SFSWAP: variants seen among roughly 807,000 people sequenced by gnomAD.
SFSWAP encodes the protein splicing factor SWAP.
Under a neutral mutation model 100.7 loss-of-function variants are expected in SFSWAP, and 17 were observed. The observed-to-expected ratio is 0.17, with a 90% CI of 0.12 to 0.25. The LOEUF is 0.25. SFSWAP is among the 10% of genes least tolerant of loss of function. The pLI, the probability that SFSWAP is intolerant of heterozygous loss-of-function variation, is 1.00. For synonymous variants in SFSWAP, 504 were observed against 510.1 expected (o/e 0.99, Z 0.16); for missense variants, 1,005 against 1,262.6 (o/e 0.80, Z 3.09).
intron 15 of SFSWAP, among the ~76,000 whole-genome samples, chr12:131,790,073 T>C (rs1443817701): frequency 6.6e-6 from 1 of 152,154 alleles, no homozygotes; most frequent in Non-Finnish European, 1.5e-5. Flanking sequence ...ATAGTGACTT[T>C]CCCCCTCTCT....
rs182735882 is a variant in SFSWAP, at chr12:131,730,318, G to T, written c.1081+1890G>T. Among the ~76,000 whole-genome samples the T allele has an allele frequency of 2.0e-5, 3 of 152,346 alleles. No homozygotes were observed. In the South Asian group the frequency reaches 6.2e-4, roughly 32 times the overall value. ...CCTCCTTTCCTTTTCCAAGCCTGTC[G>T]TTGAGTTTGCTTGAACCAAATGCAT... On this transcript the variant is annotated intron_variant, in intron 7 of 17. Coordinates refer to ENST00000261674, the MANE Select transcript of SFSWAP (RefSeq NM_004592.4). The surrounding 1 kb of genome is among the most constrained non-coding windows in gnomAD (Gnocchi z 4.0).
Position 131,711,747 on chromosome 12 carries a change from G to T in SFSWAP, c.218+300G>T. ...TGGGCTGCAGTTGGCGATTCCGCGC[G>T]GTGAAAGCAGCCAGTGCCCAGGGTC... On this transcript the variant is annotated intron_variant, in intron 1 of 17. Transcript: ENST00000261674. This position sits in a 1 kb window ranked among gnomAD's most constrained non-coding sequence, Gnocchi z 4.9. The T allele has an allele frequency of 2.6e-6, 1 of 382,148 alleles. No individual in the cohort carries two copies. The highest frequency in any genetic ancestry group is 3.1e-5 in the South Asian group (1 of 32,520). The allele number at this position is 382,148 out of a possible 1,614,324, so 23.7% of individuals were successfully genotyped here. A position where few individuals can be genotyped will look rare whatever the true frequency, so the allele number is the denominator to read the frequency against.
Position 131,799,659 on chromosome 12 carries a change from C to G in SFSWAP, c.*171C>G. On this transcript the variant is annotated 3_prime_UTR_variant, in exon 18 of 18. Transcript: ENST00000261674. The stretch of plus-strand genomic sequence containing the variant: ...AGATTTCTGACCAGCAGTCTCTTAC[C>G]TGTATATTTGTAAATATATCATGTT... 1 of 600,930 alleles carries G rather than the reference C, an allele frequency of 1.7e-6. No homozygotes were observed. Among genetic ancestry groups the G allele is most frequent in the Non-Finnish European group, 2.9e-6 (1 of 339,862 alleles). The allele number at this position is 600,930 out of a possible 1,614,324, so 37.2% of individuals were successfully genotyped here. A position where few individuals can be genotyped will look rare whatever the true frequency, so the allele number is the denominator to read the frequency against.
rs981831508 is a variant in SFSWAP at position 131,725,292 on chromosome 12, G to C, written c.607-113G>C. On this transcript the variant is annotated intron_variant, in intron 4 of 17. Transcript: ENST00000261674. The surrounding 1 kb of genome is among the most constrained non-coding windows in gnomAD (Gnocchi z 4.3). The stretch of plus-strand genomic sequence containing the variant: ...CTGGGCTCTTCCAGCTTAAAGTCTC[G>C]TATCTCTTAAAATTGACAGTAAAAC... 15 of 874,380 alleles carry C rather than the reference G, an allele frequency of 1.7e-5. No individual in the cohort carries two copies. The highest frequency in any genetic ancestry group is 2.2e-4 in the Middle Eastern group (1 of 4,532). The allele number at this position is 874,380 out of a possible 1,614,324, so 54.2% of individuals were successfully genotyped here. A position where few individuals can be genotyped will look rare whatever the true frequency, so the allele number is the denominator to read the frequency against.
intron 15 of SFSWAP, chr12:131,796,659 C>G (rs1885699867): frequency 6.5e-6 from 1 of 152,750 alleles, no homozygotes; most frequent in South Asian, 2.1e-4. Context: ...GCTGCGCCCC[C>G]TAGTCTTAAC....
intron 14 of SFSWAP, among the ~76,000 whole-genome samples, chr12:131,780,155 T>C (rs560639682): frequency 4.6e-5 from 7 of 152,338 alleles, no homozygotes; most frequent in African/African-American, 1.4e-4. Flanking sequence ...TGCAGTGAAA[T>C]TGGATTTGAC....
At chr12:131,790,087 T>G (rs1050741787) in intron 15 of SFSWAP, among the ~76,000 whole-genome samples, 1 of 152,164 alleles carries the variant, frequency 6.6e-6, no homozygotes, top group African/African-American at 2.4e-5. Context: ...CCTCTCTTCT[T>G]CCTTCTGTGT....
intron 13 of SFSWAP, among the ~76,000 whole-genome samples, chr12:131,772,504 G>A (rs1240171011): frequency 1.3e-5 from 2 of 152,094 alleles, no homozygotes; most frequent in African/African-American, 2.4e-5. Flanking sequence ...ACTGGCACAG[G>A]GGGTGGCTCG....
chr12:131,748,837 T>G (rs1014322900), intron 7 of SFSWAP, among the ~76,000 whole-genome samples: 7 of 152,378 alleles, frequency 4.6e-5, no homozygotes, highest in African/African-American at 1.4e-4. Flanking sequence ...TGGAATTTCT[T>G]TCTTGGATTT....
intron 13 of SFSWAP, among the ~76,000 whole-genome samples, chr12:131,767,234 A>G (rs773832695): frequency 2.6e-5 from 4 of 152,218 alleles, no homozygotes; most frequent in African/African-American, 7.2e-5. Flanking sequence ...CCTTCAGGAA[A>G]CACATGCCTT....
chr12:131,769,126 C>A (rs199689265), intron 13 of SFSWAP, among the ~76,000 whole-genome samples: 17 of 146,914 alleles, frequency 1.2e-4, no homozygotes, highest in Admixed American at 1.3e-4. Context: ...GACTCCTTCT[C>A]AAAAAAAAAA....
Position 131,753,255 on chromosome 12 carries a change from C to A in SFSWAP, c.1214C>A (p.Ser405Tyr). The A allele has an allele frequency of 6.2e-7, 1 of 1,614,098 alleles. No individual in the cohort carries two copies. Among genetic ancestry groups the A allele is most frequent in the Non-Finnish European group, 8.5e-7 (1 of 1,179,998 alleles). The change falls in exon 8 of 18, where the codon TCC becomes TAC. Residue 405 changes from serine to tyrosine, a missense_variant. This residue lies in a region of SFSWAP where 311 missense variants were observed against 317.8 expected (regional missense o/e 0.98). Coordinates refer to ENST00000261674, the MANE Select transcript of SFSWAP (RefSeq NM_004592.4). ...TLPAGVTVSN[S>Y]PGVTTTAPPP... ...CCTGCTGGCGTGACCGTGTCTAACT[C>A]CCCTGGAGTGACGACCACCGCCCCA...
chr12:131,797,053 G>A (rs558547824), intron 15 of SFSWAP, 125 bp from the exon 16 acceptor site: 2 of 760,808 alleles, frequency 2.6e-6, no homozygotes, highest in South Asian at 3.4e-5. Flanking sequence ...GGTTTGGAGT[G>A]GTTCCGTCCC....
intron 15 of SFSWAP, among the ~76,000 whole-genome samples, chr12:131,795,406 C>T (rs1194988202): frequency 6.6e-6 from 1 of 152,248 alleles, no homozygotes; most frequent in Non-Finnish European, 1.5e-5. Context: ...TCCCCCCCTG[C>T]ATATCGGGGC....
At chr12:131,759,526 G>A (rs545865699) in intron 11 of SFSWAP, among the ~76,000 whole-genome samples, 46 of 152,162 alleles carry the variant, frequency 3.0e-4, no homozygotes, top group Admixed American at 1.2e-3. Context: ...TAGGCCGGGC[G>A]CGGTGGCTCA....
At chr12:131,723,152 A>G (rs1878641539) in intron 4 of SFSWAP, 1 of 152,176 alleles carries the variant, frequency 6.6e-6, no homozygotes, top group Non-Finnish European at 1.5e-5. Context: ...TTATTTCATC[A>G]TAATTTAGGT....
chr12:131,722,543 G>T (rs1320285507), intron 4 of SFSWAP, among the ~76,000 whole-genome samples: 1 of 152,170 alleles, frequency 6.6e-6, no homozygotes, highest in Non-Finnish European at 1.5e-5. Flanking sequence ...TGTGTGCAAC[G>T]CTTATTCTGT....
intron 1 of SFSWAP, 183 bp from the exon 2 acceptor site, chr12:131,713,888 T>G: frequency 2.5e-6 from 1 of 402,946 alleles, no homozygotes; most frequent in Non-Finnish European, 4.4e-6. Flanking sequence ...TAAAAGTAGG[T>G]GAGATATGAC....
At chr12:131,716,453 A>C (rs932776068) in intron 3 of SFSWAP, among the ~76,000 whole-genome samples, 11 of 152,102 alleles carry the variant, frequency 7.2e-5, no homozygotes, top group Admixed American at 2.6e-4. Context: ...GATAGTTCTG[A>C]TTTTGTTGTC....
Sources: gnomAD v4.1 joint callset for allele counts (sites outside exome capture counted in the v4.1 genomes callset) on GRCh38, gnomAD v4.1.1 for gene constraint, gnomAD v4.1.1 regional missense constraint, Gnocchi (gnomAD v3.1) non-coding constraint, MANE v1.5 for transcripts, NCBI Gene and HGNC (gene_info 2026-07-23, HGNC 2026-07-21) for gene names.